Variants in SNTG2 observed in about 807,000 individuals in gnomAD.
SNTG2 encodes syntrophin gamma 2, also known as gamma-2-syntrophin.
A neutral mutation model predicts 70.9 loss-of-function variants in SNTG2; 74 were observed. That is an observed-to-expected ratio of 1.04 (90% CI 0.86 to 1.27). SNTG2 has a LOEUF of 1.27. Ranked by LOEUF, SNTG2 falls within the 50% of genes most tolerant of loss-of-function variation. The pLI is 0.00. For synonymous variants in SNTG2, 278 were observed against 273.8 expected (o/e 1.02, Z -0.15); for missense variants, 717 against 690.7 (o/e 1.04, Z -0.43).
chr2:1,120,888 C>T (rs1667333755), intron 4 of SNTG2, among the ~76,000 whole-genome samples: 1 of 151,946 alleles, frequency 6.6e-6, no homozygotes, highest in African/African-American at 2.4e-5. Context: ...ACTTGAATTG[C>T]ACTTTGGGCC....
At chr2:1,217,577 G>A (rs969764873) in intron 9 of SNTG2, among the ~76,000 whole-genome samples, 4 of 152,188 alleles carry the variant, frequency 2.6e-5, no homozygotes, top group Non-Finnish European at 4.4e-5. Flanking sequence ...TCGGTAGGTC[G>A]TTATGCAGCA....
chr2:1,032,381 G>T (rs1200686203), intron 1 of SNTG2, among the ~76,000 whole-genome samples: 1 of 151,818 alleles, frequency 6.6e-6, no homozygotes, highest in Non-Finnish European at 1.5e-5. Flanking sequence ...CTACACACAC[G>T]CACGCACATA....
At chr2:1,066,242 C>T (rs962863780) in intron 1 of SNTG2, among the ~76,000 whole-genome samples, 3 of 152,142 alleles carry the variant, frequency 2.0e-5, no homozygotes, top group Non-Finnish European at 2.9e-5. Context: ...CCCTGCAAAA[C>T]GTTGTCAAGA....
At chr2:1,240,096 A>C (rs1348949513) in intron 11 of SNTG2, among the ~76,000 whole-genome samples, 1 of 152,234 alleles carries the variant, frequency 6.6e-6, no homozygotes, top group Non-Finnish European at 1.5e-5. Flanking sequence ...GTTTAAACTG[A>C]GAAGGGCTTT....
chr2:1,179,107 T>C (rs928488753), intron 8 of SNTG2, among the ~76,000 whole-genome samples: 39 of 152,236 alleles, frequency 2.6e-4, no homozygotes, highest in African/African-American at 8.7e-4. Context: ...GTTTGTAGTA[T>C]TCTTTGATGG....
At chr2:1,243,442 C>T (rs1330144080) in intron 11 of SNTG2, among the ~76,000 whole-genome samples, 1 of 138,954 alleles carries the variant, frequency 7.2e-6, no homozygotes, top group South Asian at 2.2e-4. Context: ...GATGGTAATT[C>T]CACCCTTGAT....
At chr2:1,331,600 T>C (rs1659533198) in intron 16 of SNTG2, among the ~76,000 whole-genome samples, 1 of 152,170 alleles carries the variant, frequency 6.6e-6, no homozygotes, top group African/African-American at 2.4e-5. Flanking sequence ...CCCAATGGAA[T>C]CCCAGTTCTT....
At chr2:1,238,122 T>A in intron 10 of SNTG2, 105 bp downstream of exon 10, 1 of 1,379,510 alleles carries the variant, frequency 7.2e-7, no homozygotes, top group Non-Finnish European at 9.8e-7. Flanking sequence ...AAACAGAAAA[T>A]CATGTACTTG....
At chr2:1,243,854 C>T (rs973122710) in intron 11 of SNTG2, among the ~76,000 whole-genome samples, 4 of 152,182 alleles carry the variant, frequency 2.6e-5, no homozygotes, top group Non-Finnish European at 4.4e-5. Context: ...GGTGAAACCC[C>T]GTCTCTACTA....
chr2:1,043,406 A>G (rs1661554334), intron 1 of SNTG2, among the ~76,000 whole-genome samples: 1 of 152,126 alleles, frequency 6.6e-6, no homozygotes, highest in African/African-American at 2.4e-5. Context: ...TGCCCTGAAG[A>G]CACTCTTTAG....
chr2:1,237,865 T>C (rs1676772924), intron 9 of SNTG2, 23 bp from the exon 10 acceptor site: 1 of 1,589,100 alleles, frequency 6.3e-7, no homozygotes, highest in Non-Finnish European at 8.6e-7. Context: ...CGGGGCCTCC[T>C]GGACAGCTCT....
intron 6 of SNTG2, among the ~76,000 whole-genome samples, chr2:1,157,460 G>A (rs1318385441): frequency 6.6e-6 from 1 of 152,222 alleles, no homozygotes; most frequent in African/African-American, 2.4e-5. Flanking sequence ...ATGCCAGACA[G>A]GAGGGACGGT....
intron 4 of SNTG2, among the ~76,000 whole-genome samples, chr2:1,125,574 A>C (rs79684416): frequency 0.028 from 4,285 of 152,340 alleles, 211 homozygotes; most frequent in African/African-American, 0.098. Context: ...ATTGTTTTCT[A>C]AGATGAGTTA....
chr2:1,073,293 G>A (rs1482084695), intron 1 of SNTG2, among the ~76,000 whole-genome samples: 1 of 152,136 alleles, frequency 6.6e-6, no homozygotes, highest in African/African-American at 2.4e-5. Flanking sequence ...CTTCAATGTT[G>A]TCTTATTTTA....
chr2:1,068,831 A>T (rs532972956), intron 1 of SNTG2, among the ~76,000 whole-genome samples: 1 of 152,252 alleles, frequency 6.6e-6, no homozygotes, highest in Non-Finnish European at 1.5e-5. Context: ...CTATGTTTAC[A>T]GTAATTAAAA....
chr2:1,182,071 G>T (rs1484273130), intron 8 of SNTG2, among the ~76,000 whole-genome samples: 3 of 152,084 alleles, frequency 2.0e-5, no homozygotes, highest in African/African-American at 7.2e-5. Context: ...TCCTTCAAAG[G>T]GTGCATAGAG....
At chr2:984,532 C>T (rs902429978) in intron 1 of SNTG2, among the ~76,000 whole-genome samples, 1 of 152,320 alleles carries the variant, frequency 6.6e-6, no homozygotes, top group African/African-American at 2.4e-5. Flanking sequence ...CCCATCCCCT[C>T]TCGTCCTCCC....
intron 4 of SNTG2, among the ~76,000 whole-genome samples, chr2:1,117,402 T>C (rs1667085270): frequency 6.6e-6 from 1 of 152,186 alleles, no homozygotes; most frequent in Non-Finnish European, 1.5e-5. Flanking sequence ...ACTTTTACTA[T>C]TATCTTTCCT....
chr2:968,396 T>C (rs58116383), intron 1 of SNTG2, among the ~76,000 whole-genome samples: 11,888 of 152,318 alleles, frequency 0.078, 693 homozygotes, highest in South Asian at 0.2. Flanking sequence ...GTCTCCCAGT[T>C]AATTATCAAT....
Sources: gnomAD v4.1 joint callset for allele counts (sites outside exome capture counted in the v4.1 genomes callset) on GRCh38, gnomAD v4.1.1 for gene constraint, MANE v1.5 for transcripts, NCBI Gene and HGNC (gene_info 2026-07-23, HGNC 2026-07-21) for gene names.